The following LDHA variants were observed in gnomAD, a reference collection of about 807,000 sequenced individuals.
The protein encoded by LDHA is lactate dehydrogenase A.
LDHA carries 10 observed loss-of-function variants against 36.3 expected under a neutral mutation model. The observed-to-expected ratio is 0.28, with a 90% CI of 0.17 to 0.47. The LOEUF (loss-of-function observed/expected upper bound fraction) is 0.47. Ranked by LOEUF, LDHA falls within the 20% of genes least tolerant of loss-of-function variation. The probability of loss-of-function intolerance (pLI) is 0.99; values close to 1 mark genes in which losing one functional copy is unlikely to be tolerated. For missense variants in LDHA, 267 were observed against 405.8 expected, an observed-to-expected ratio of 0.66 and a Z score of 2.94; for synonymous variants, 110 against 136.7, an observed-to-expected ratio of 0.80 and a Z score of 1.36.
At chr11:18,402,686 A>G in intron 4 of LDHA, 154 bp from the exon 5 acceptor site, 2 of 676,558 alleles carry the variant, frequency 3.0e-6, no homozygotes, top group Non-Finnish European at 5.4e-6. Flanking sequence ...GCCATGATCA[A>G]TATCAAGATC....
intron 5 of LDHA, among the ~76,000 whole-genome samples, 177 bp from the exon 6 acceptor site, chr11:18,403,517 C>T (rs552140004): frequency 6.6e-6 from 1 of 152,270 alleles, no homozygotes; most frequent in African/African-American, 2.4e-5. Flanking sequence ...CTTAGTTTTA[C>T]ATAATGTAAG....
At chr11:18,394,831 C>G in intron 1 of LDHA, 195 bp downstream of exon 1, 4 of 356,668 alleles carry the variant, frequency 1.1e-5, no homozygotes, top group African/African-American at 2.1e-5. Context: ...TCGCCGCGCT[C>G]TGCTTTTGCT....
At position 18,408,413 on chromosome 11, in the gene LDHA, A is replaced by G. The variant is rs1866782026; in HGVS notation, c.*1132A>G. On this transcript the variant is annotated 3_prime_UTR_variant, in exon 8 of 8. Coordinates refer to ENST00000422447, the MANE Select transcript of LDHA (RefSeq NM_005566.4). Reference sequence around the variant, plus strand: ...TTCTGCACATTTTTCTGAAAATACAACTGTGACCCTTATCCAGGCCTGAAA... The same window carrying G: ...TTCTGCACATTTTTCTGAAAATACAGCTGTGACCCTTATCCAGGCCTGAAA... 1 of 343,102 alleles carries G rather than the reference A, an allele frequency of 2.9e-6. No homozygotes were observed. Among genetic ancestry groups the G allele is most frequent in the Non-Finnish European group, 5.7e-6 (1 of 175,976 alleles). 21.3% of individuals were successfully genotyped at this position (343,102 alleles called of 1,614,324 possible). A position where few individuals can be genotyped will look rare whatever the true frequency, so the allele number is the denominator to read the frequency against.
rs201661015 is a variant in LDHA at position 18,407,502 on chromosome 11, G to A, written c.*221G>A. The stretch of plus-strand genomic sequence containing the variant: ...TATTAATCTTGTGTAGTCTTCAACT[G>A]GTTAGTGTGAAATAGTTCTGCCACC... On this transcript the variant is annotated 3_prime_UTR_variant, in exon 8 of 8. Transcript: ENST00000422447. 9.6e-6 allele frequency: 9 copies of A among 941,546 alleles called. No homozygotes were observed. Among genetic ancestry groups the A allele is most frequent in the East Asian group, 2.6e-5 (1 of 38,242 alleles). 58.3% of individuals were successfully genotyped at this position (941,546 alleles called of 1,614,324 possible).
In LDHA at chr11:18,407,760, A is replaced by G. The variant is rs567926833; in HGVS notation, c.*479A>G. On this transcript the variant is annotated 3_prime_UTR_variant, in exon 8 of 8. Coordinates refer to ENST00000422447, the MANE Select transcript of LDHA (RefSeq NM_005566.4). ...CTATATCAGTAGTGTACATTACCAT[A>G]TAATGTAAAAAGATCTACATACAAA... is the stretch of plus-strand genomic sequence containing the variant. 1 of 460,502 alleles carries G rather than the reference A, an allele frequency of 2.2e-6. No individual in the cohort carries two copies. The highest frequency in any genetic ancestry group is 6.8e-5 in the East Asian group (1 of 14,778). 28.5% of individuals were successfully genotyped at this position (460,502 alleles called of 1,614,324 possible). A position where few individuals can be genotyped will look rare whatever the true frequency, so the allele number is the denominator to read the frequency against.
At chr11:18,400,156 C>T (rs1158990453) in intron 3 of LDHA, 3 of 176,468 alleles carry the variant, frequency 1.7e-5, no homozygotes, top group African/African-American at 7.2e-5. Flanking sequence ...CATCCTTTCA[C>T]ACACGAAGTT....
In LDHA at chr11:18,394,650, C is replaced by G. The variant is rs981707334; in HGVS notation, c.-25+14C>G. 2 of 453,878 alleles carry G rather than the reference C, an allele frequency of 4.4e-6. No homozygotes were observed. The highest frequency in any genetic ancestry group is 4.7e-5 in the Admixed American group (2 of 42,546). The allele number at this position is 453,878 out of a possible 1,614,324, so 28.1% of individuals were successfully genotyped here. ...CGTGCATTCCCGGTACGGTAGGGCC[C>G]TGCGCGCACGGCGCCAGAGGGATGG... On this transcript the variant is annotated intron_variant, in intron 1 of 7. Coordinates refer to ENST00000422447, the MANE Select transcript of LDHA (RefSeq NM_005566.4).
At chr11:18,400,313 G>T in intron 3 of LDHA, 1 of 212,888 alleles carries the variant, frequency 4.7e-6, no homozygotes, top group Non-Finnish European at 9.6e-6. Context: ...TTGCTGATGG[G>T]CAACTCCCTT....
rs1866736245 is a variant in LDHA at position 18,407,493 on chromosome 11, TCTTCAA to T, written c.*215_*220del. ...GCTGGATGGTATTAATCTTGTGTAG[TCTTCAA>T]CTGGTTAGTGTGAAATAGTTCTGCC... On this transcript the variant is annotated 3_prime_UTR_variant, in exon 8 of 8. Transcript: ENST00000422447. 1 of 982,602 alleles carries T rather than the reference TCTTCAA, an allele frequency of 1.0e-6. No homozygotes were observed. The highest frequency in any genetic ancestry group is 1.6e-5 in the African/African-American group (1 of 62,096). The allele number at this position is 982,602 out of a possible 1,614,324, so 60.9% of individuals were successfully genotyped here. A position where few individuals can be genotyped will look rare whatever the true frequency, so the allele number is the denominator to read the frequency against.
chr11:18,400,805 C>A, intron 3 of LDHA, 32 bp from the exon 4 acceptor site: 1 of 1,591,560 alleles, frequency 6.3e-7, no homozygotes, highest in Non-Finnish European at 8.6e-7. Context: ...TTCTAAAGGC[C>A]TTAATCTGGT....
At chr11:18,401,631 C>A (rs965722744) in intron 4 of LDHA, among the ~76,000 whole-genome samples, 2 of 151,278 alleles carry the variant, frequency 1.3e-5, no homozygotes, top group East Asian at 3.9e-4. Context: ...GTGCCCACCA[C>A]GACGCCTGGC....
Position 18,405,430 on chromosome 11 carries a change from A to T in LDHA, c.711-19A>T, listed in dbSNP as rs202202736. 1 of 1,611,968 alleles carries T rather than the reference A, an allele frequency of 6.2e-7. No individual in the cohort carries two copies. The highest frequency in any genetic ancestry group is 1.1e-5 in the South Asian group (1 of 91,014). ...CACCCTGCTTTTTCTGCCTTTACCT[A>T]TGGTTTCCTATCATACAGTGCTTAT... On this transcript the variant is annotated intron_variant, in intron 6 of 7. Transcript: ENST00000422447.
chr11:18,397,175 G>A, intron 2 of LDHA: 3 of 490,544 alleles, frequency 6.1e-6, no homozygotes. Flanking sequence ...AGGTTGTCAG[G>A]CTGGAGACCC....
At chr11:18,402,482 G>GATCT (rs1367736717) in intron 4 of LDHA, 1 of 277,540 alleles carries the variant, frequency 3.6e-6, no homozygotes, top group Non-Finnish European at 7.0e-6. Flanking sequence ...TTTTTTTGTA[G>GATCT]AGATGGGGTT....
intron 6 of LDHA, among the ~76,000 whole-genome samples, chr11:18,404,931 A>G (rs1325698845): frequency 6.6e-6 from 1 of 152,206 alleles, no homozygotes; most frequent in Non-Finnish European, 1.5e-5. Flanking sequence ...CTCAAGAAAG[A>G]AACACAATAT....
intron 1 of LDHA, chr11:18,396,500 GAT>G (rs1866308691): frequency 9.7e-7 from 1 of 1,030,150 alleles, no homozygotes; most frequent in Non-Finnish European, 1.3e-6. Flanking sequence ...AGCTCAGAGT[GAT>G]CTTGTCTGAG....
At chr11:18,405,292 A>G (rs117435911) in intron 6 of LDHA, among the ~76,000 whole-genome samples, 157 bp from the exon 7 acceptor site, 1 of 152,346 alleles carries the variant, frequency 6.6e-6, no homozygotes, top group Non-Finnish European at 1.5e-5. Context: ...ATCCCTGTAC[A>G]TAATATCCTA....
Position 18,407,629 on chromosome 11 carries a change from T to C in LDHA, c.*348T>C, listed in dbSNP as rs997048353. The C allele has an allele frequency of 9.7e-6, 6 of 617,804 alleles. No individual in the cohort carries two copies. Among genetic ancestry groups the C allele is most frequent in the Non-Finnish European group, 1.8e-5 (6 of 332,928 alleles). The allele number at this position is 617,804 out of a possible 1,614,324, so 38.3% of individuals were successfully genotyped here. A position where few individuals can be genotyped will look rare whatever the true frequency, so the allele number is the denominator to read the frequency against. Reference sequence around the variant, plus strand: ...AACTTCCTGGCTCCTTCACTGAACATGCCTAGTCCAACATTTTTTCCCAGT... The same window carrying C: ...AACTTCCTGGCTCCTTCACTGAACACGCCTAGTCCAACATTTTTTCCCAGT... On this transcript the variant is annotated 3_prime_UTR_variant, in exon 8 of 8. Transcript: ENST00000422447.
chr11:18,404,170 A>G (rs938349712), intron 6 of LDHA, among the ~76,000 whole-genome samples: 5 of 152,174 alleles, frequency 3.3e-5, no homozygotes, highest in Non-Finnish European at 5.9e-5. Flanking sequence ...TCACCTTGCA[A>G]GGCCCAGGCC....
Sources: gnomAD v4.1 joint callset for allele counts (sites outside exome capture counted in the v4.1 genomes callset) on GRCh38, gnomAD v4.1.1 for gene constraint, MANE v1.5 for transcripts, NCBI Gene and HGNC (gene_info 2026-07-23, HGNC 2026-07-21) for gene names.